RXRA: variants seen among roughly 807,000 people sequenced by gnomAD.
The protein encoded by RXRA is retinoic acid receptor RXR-alpha.
A neutral mutation model predicts 44.5 loss-of-function variants in RXRA; 5 were observed. The observed-to-expected ratio is 0.11, with a 90% CI of 0.06 to 0.24. The LOEUF (loss-of-function observed/expected upper bound fraction) is 0.24, where lower values mean the gene tolerates loss of function less well. Among genes scored for constraint, RXRA ranks in the 10% least tolerant of loss-of-function variants. The pLI is 1.00. For missense variants in RXRA, 412 were observed against 646.5 expected (o/e 0.64, Z 3.93); for synonymous variants, 291 against 271.4 (o/e 1.07, Z -0.71).
rs954449061 is a variant in RXRA, at chr9:134,342,859, C to T, written c.28+16200C>T. On this transcript the variant is annotated intron_variant, in intron 1 of 9. Transcript: ENST00000481739. The surrounding 1 kb of genome is among the most constrained non-coding windows in gnomAD (Gnocchi z 4.4). ...GCAGGTGGTGGCTGTGGCCCTGCCA[C>T]CACCACAGTGACCTTCCCTTTGTAT... Among the ~76,000 whole-genome samples, 12 of 152,198 alleles carry T rather than the reference C, an allele frequency of 7.9e-5. No individual in the cohort carries two copies. The highest frequency in any genetic ancestry group is 2.7e-4 in the African/African-American group (11 of 41,460).
chr9:134,369,729 G>A (rs926170631), intron 1 of RXRA, among the ~76,000 whole-genome samples: 11 of 151,998 alleles, frequency 7.2e-5, no homozygotes, highest in African/African-American at 2.7e-4. Flanking sequence ...GAGGCCTCTC[G>A]GGTATCCTGT....
At chr9:134,375,503 C>T (rs1830544832) in intron 1 of RXRA, among the ~76,000 whole-genome samples, 1 of 152,204 alleles carries the variant, frequency 6.6e-6, no homozygotes, top group East Asian at 1.9e-4. Context: ...CAGGTCCTGG[C>T]CCGGAATAAA....
At position 134,401,399 on chromosome 9, in the gene RXRA, C is replaced by T. The variant is rs34534364; in HGVS notation, c.29-233C>T. Reference sequence around the variant, plus strand: ...GTTCTTCCTGCGTCTGCCGCAGGCCCAGCCTAAAGCCGGGGTCAGGCGCAG... The same window carrying T: ...GTTCTTCCTGCGTCTGCCGCAGGCCTAGCCTAAAGCCGGGGTCAGGCGCAG... On this transcript the variant is annotated intron_variant, in intron 1 of 9. Transcript: ENST00000481739. 4.9e-3 allele frequency: 3,098 copies of T among 630,864 alleles called. 71 individuals are homozygous for T. In the African/African-American group the frequency reaches 0.05, roughly 10 times the overall value. The allele number at this position is 630,864 out of a possible 1,614,324, so 39.1% of individuals were successfully genotyped here.
intron 6 of RXRA, chr9:134,425,658 T>A (rs950877014): frequency 2.0e-6 from 2 of 984,764 alleles, no homozygotes; most frequent in African/African-American, 3.5e-5. Context: ...AAGGTCCCCC[T>A]GTGGGGACAG....
At chr9:134,361,098 C>T (rs1032904500) in intron 1 of RXRA, among the ~76,000 whole-genome samples, 6 of 152,352 alleles carry the variant, frequency 3.9e-5, no homozygotes, top group Non-Finnish European at 5.9e-5. Context: ...GCTGGCCCTT[C>T]GCTGTCAGAC....
intron 1 of RXRA, among the ~76,000 whole-genome samples, chr9:134,355,644 C>T (rs1468695112): frequency 6.6e-6 from 1 of 152,106 alleles, no homozygotes; most frequent in Non-Finnish European, 1.5e-5. Context: ...CTGCCCTCTG[C>T]AGCCAGGCTG....
intron 1 of RXRA, among the ~76,000 whole-genome samples, chr9:134,394,012 A>G (rs932492695): frequency 4.0e-5 from 6 of 151,474 alleles, no homozygotes; most frequent in Non-Finnish European, 8.8e-5. Context: ...CTTGCTATTT[A>G]TGACAAAACT....
At chr9:134,429,433 C>A (rs1158907396) in intron 7 of RXRA, among the ~76,000 whole-genome samples, 193 bp downstream of exon 7, 1 of 152,264 alleles carries the variant, frequency 6.6e-6, no homozygotes, top group Non-Finnish European at 1.5e-5. Context: ...TCTGGGGCAT[C>A]TGTAACCACA....
intron 1 of RXRA, among the ~76,000 whole-genome samples, chr9:134,338,815 G>C (rs1360016337): frequency 6.6e-6 from 1 of 152,208 alleles, no homozygotes; most frequent in East Asian, 1.9e-4. Context: ...GCAGGCCTCT[G>C]TTGGGACTTG....
At chr9:134,423,404 GCGGCT>G (rs1831380945) in intron 6 of RXRA, 9 of 985,480 alleles carry the variant, frequency 9.1e-6, no homozygotes, top group Non-Finnish European at 1.1e-5. Flanking sequence ...CCCATACAAG[GCGGCT>G]CCTAAGTGGC....
At position 134,342,409 on chromosome 9, in the gene RXRA, A is replaced by G. The variant is rs1250958090; in HGVS notation, c.28+15750A>G. Among the ~76,000 whole-genome samples the G allele has an allele frequency of 6.6e-6, 1 of 152,158 alleles. No homozygotes were observed. Among genetic ancestry groups the G allele is most frequent in the Non-Finnish European group, 1.5e-5 (1 of 68,016 alleles). ...CTTCAAGGCCACACAGCTTGTGGGCATGGAGGGGCCGATCCTTGCCCTTTC... is the reference window on the plus strand; with the variant it reads ...CTTCAAGGCCACACAGCTTGTGGGCGTGGAGGGGCCGATCCTTGCCCTTTC... On this transcript the variant is annotated intron_variant, in intron 1 of 9. Coordinates refer to ENST00000481739, the MANE Select transcript of RXRA (RefSeq NM_002957.6). The surrounding 1 kb of genome is among the most constrained non-coding windows in gnomAD (Gnocchi z 4.4).
At chr9:134,389,970 C>T (rs1207236739) in intron 1 of RXRA, among the ~76,000 whole-genome samples, 1 of 152,174 alleles carries the variant, frequency 6.6e-6, no homozygotes, top group Non-Finnish European at 1.5e-5. Context: ...GCGGCTCGTC[C>T]CCTCCTGCTG....
At chr9:134,363,676 G>C (rs1830380651) in intron 1 of RXRA, among the ~76,000 whole-genome samples, 1 of 152,240 alleles carries the variant, frequency 6.6e-6, no homozygotes, top group African/African-American at 2.4e-5. Context: ...GGCTGGCACG[G>C]TTTGGCTGCT....
intron 1 of RXRA, among the ~76,000 whole-genome samples, chr9:134,360,074 G>A (rs1830330495): frequency 6.6e-6 from 1 of 152,214 alleles, no homozygotes; most frequent in African/African-American, 2.4e-5. Flanking sequence ...GGCCCACCCG[G>A]CACAGATGCC....
chr9:134,440,169 GA>G lies in RXRA; in HGVS notation c.*3556del, dbSNP rs1831708471. On this transcript the variant is annotated 3_prime_UTR_variant, in exon 10 of 10. Coordinates refer to ENST00000481739, the MANE Select transcript of RXRA (RefSeq NM_002957.6). ...TTGGATATGGCGGGGGGAGGGCTGG[GA>G]CTGTTTCGTTTCTGCTTCTAGAGAT... 1 of 152,136 alleles carries G rather than the reference GA, an allele frequency of 6.6e-6. No individual in the cohort carries two copies. The highest frequency in any genetic ancestry group is 1.5e-5 in the Non-Finnish European group (1 of 68,024). 9.4% of individuals were successfully genotyped at this position (152,136 alleles called of 1,614,324 possible).
At chr9:134,340,512 G>A (rs62576310) in intron 1 of RXRA, among the ~76,000 whole-genome samples, 11,808 of 152,168 alleles carry the variant, frequency 0.078, 546 homozygotes, top group Middle Eastern at 0.13. Flanking sequence ...GTCTAAGTGG[G>A]GCTCACGTGG....
At chr9:134,397,272 C>G (rs1412678463) in intron 1 of RXRA, among the ~76,000 whole-genome samples, 1 of 152,184 alleles carries the variant, frequency 6.6e-6, no homozygotes, top group Non-Finnish European at 1.5e-5. Flanking sequence ...CGCGGAGCAG[C>G]CTGTGCCGTC....
chr9:134,380,185 C>T, intron 1 of RXRA: 3 of 985,338 alleles, frequency 3.0e-6, no homozygotes, highest in Non-Finnish European at 2.4e-6. Context: ...GGGGGTGGCC[C>T]CCCGCGGTGT....
chr9:134,358,029 C>T (rs1381093258), intron 1 of RXRA, among the ~76,000 whole-genome samples: 1 of 152,230 alleles, frequency 6.6e-6, no homozygotes, highest in Non-Finnish European at 1.5e-5. Context: ...CACTGTGCTC[C>T]CCGACATCCC....
Sources: gnomAD v4.1 joint callset for allele counts (sites outside exome capture counted in the v4.1 genomes callset) on GRCh38, gnomAD v4.1.1 for gene constraint, Gnocchi (gnomAD v3.1) non-coding constraint, MANE v1.5 for transcripts, NCBI Gene and HGNC (gene_info 2026-07-23, HGNC 2026-07-21) for gene names.